UBN1: variants seen among roughly 807,000 people sequenced by gnomAD.
The protein encoded by UBN1 is ubinuclein-1.
UBN1 carries 17 observed loss-of-function variants against 108.5 expected under a neutral mutation model. That is an observed-to-expected ratio of 0.16 (90% CI 0.11 to 0.24). UBN1 has a LOEUF of 0.24. Ranked by LOEUF, UBN1 falls within the 10% of genes least tolerant of loss-of-function variation. The pLI, the probability that UBN1 is intolerant of heterozygous loss-of-function variation, is 1.00. For missense variants in UBN1, 1,595 were observed against 1,394.4 expected (o/e 1.14, Z -2.29); for synonymous variants, 726 against 564.2 (o/e 1.29, Z -4.07).
At chr16:4,876,810 T>C (rs1209690069) in intron 15 of UBN1, 61 bp from the exon 16 acceptor site, 1 of 1,524,624 alleles carries the variant, frequency 6.6e-7, no homozygotes, top group Non-Finnish European at 8.8e-7. Flanking sequence ...TTGCCAGGTT[T>C]GGTGTGAGTG....
rs2086287422 is a variant in UBN1 at position 4,848,044 on chromosome 16, CA to C, written c.-205del. The stretch of plus-strand genomic sequence containing the variant: ...TGGGCCGGCGCGCGGCGCGGCACAC[CA>C]GGCTCCCCTGGGCTCGGGGACCCGG... On this transcript the variant is annotated 5_prime_UTR_variant, in exon 1 of 18. Coordinates refer to ENST00000262376, the MANE Select transcript of UBN1 (RefSeq NM_001079514.3). 1 of 152,238 alleles carries C rather than the reference CA, an allele frequency of 6.6e-6. No individual in the cohort carries two copies. The highest frequency in any genetic ancestry group is 1.5e-5 in the Non-Finnish European group (1 of 68,142). 9.4% of individuals were successfully genotyped at this position (152,238 alleles called of 1,614,324 possible). A position where few individuals can be genotyped will look rare whatever the true frequency, so the allele number is the denominator to read the frequency against.
Position 4,865,338 on chromosome 16 carries a change from G to A in UBN1, c.1111-3495G>A, listed in dbSNP as rs1045248272. On this transcript the variant is annotated intron_variant, in intron 7 of 17. Coordinates refer to ENST00000262376, the MANE Select transcript of UBN1 (RefSeq NM_001079514.3). Reference sequence around the variant, plus strand: ...TATTTAAAATATTTTTAAAGATTGCGTAAAGATTACATAGAAAGCTTCTGA... The same window carrying A: ...TATTTAAAATATTTTTAAAGATTGCATAAAGATTACATAGAAAGCTTCTGA... Among the ~76,000 whole-genome samples the A allele has an allele frequency of 5.9e-5, 9 of 152,158 alleles. No individual in the cohort carries two copies. In the East Asian group the frequency reaches 7.7e-4, roughly 13 times the overall value.
At position 4,877,086 on chromosome 16, in the gene UBN1, G is replaced by A; in HGVS notation, c.3240G>A (p.Gly1080=). ...KDAIVTGPAP[G]SFHHGLGHSL... is the part of the protein sequence containing the mutation. ...CCATCGTCACAGGCCCTGCCCCCGG[G>A]TCCTTCCACCATGGCCTTGGCCACA... The change falls in exon 16 of 18, where the codon GGG becomes GGA. Residue 1080 remains glycine (G), a synonymous_variant. Transcript: ENST00000262376. This position sits in a 1 kb window ranked among gnomAD's most constrained non-coding sequence, Gnocchi z 4.3. The A allele has an allele frequency of 6.2e-7, 1 of 1,612,918 alleles. No individual in the cohort carries two copies. Among genetic ancestry groups the A allele is most frequent in the Non-Finnish European group, 8.5e-7 (1 of 1,179,446 alleles).
chr16:4,853,984 AT>A (rs1390371494), intron 2 of UBN1, among the ~76,000 whole-genome samples: 3 of 152,082 alleles, frequency 2.0e-5, no homozygotes, highest in Non-Finnish European at 4.4e-5. Flanking sequence ...CTCAATACTT[AT>A]GGGCAACCAC....
rs1415962449 is a variant in UBN1 at position 4,882,086 on chromosome 16, T to A, written c.*1954T>A. 2 of 152,334 alleles carry A rather than the reference T, an allele frequency of 1.3e-5. No homozygotes were observed. The highest frequency in any genetic ancestry group is 2.9e-5 in the Non-Finnish European group (2 of 68,014). The allele number at this position is 152,334 out of a possible 1,614,324, so 9.4% of individuals were successfully genotyped here. ...CTTTTCCTTGTTTATGCTTTATTTG[T>A]GGTAATGAAAGAGCGAATGACTGAA... On this transcript the variant is annotated 3_prime_UTR_variant, in exon 18 of 18. Transcript: ENST00000262376.
chr16:4,862,359 CT>C (rs1169125764), intron 7 of UBN1, among the ~76,000 whole-genome samples: 4 of 152,222 alleles, frequency 2.6e-5, no homozygotes, highest in Admixed American at 2.6e-4. Context: ...TCTTTGTCAG[CT>C]TGTGTCCAGC....
Position 4,874,206 on chromosome 16 carries a change from T to C in UBN1, c.1801-5T>C, listed in dbSNP as rs2087771410. 3.9e-6 allele frequency: 6 copies of C among 1,542,226 alleles called. No individual in the cohort carries two copies. Among genetic ancestry groups the C allele is most frequent in the Non-Finnish European group, 5.2e-6 (6 of 1,145,806 alleles). ...CTAAACATCAACATTTCTGTTTTCCTTTAGGAATCGTCTACGAAGCCTGAT... is the reference window on the plus strand; with the variant it reads ...CTAAACATCAACATTTCTGTTTTCCCTTAGGAATCGTCTACGAAGCCTGAT... On this transcript the variant is annotated splice_region_variant and splice_polypyrimidine_tract_variant and intron_variant, in intron 14 of 17. Transcript: ENST00000262376.
rs533400573 is a variant in UBN1 at position 4,880,250 on chromosome 16, A to C, written c.*118A>C. 4.1e-6 allele frequency: 5 copies of C among 1,230,224 alleles called. No individual in the cohort carries two copies. In the East Asian group the frequency reaches 7.1e-5, roughly 17 times the overall value. The allele number at this position is 1,230,224 out of a possible 1,614,324, so 76.2% of individuals were successfully genotyped here. On this transcript the variant is annotated 3_prime_UTR_variant, in exon 18 of 18. Transcript: ENST00000262376. ...CTTGGTGTTCTTCTGGAGGAGCGTG[A>C]GTTCTCAGCGGAGCGCTTCTCGGCA...
At chr16:4,853,224 C>G in intron 2 of UBN1, 58 bp downstream of exon 2, 1 of 1,577,332 alleles carries the variant, frequency 6.3e-7, no homozygotes, top group South Asian at 1.1e-5. Flanking sequence ...TCAGTGCATG[C>G]ATGTGGGGCT....
intron 7 of UBN1, among the ~76,000 whole-genome samples, chr16:4,865,577 G>A (rs144409471): frequency 5.7e-4 from 86 of 152,198 alleles, no homozygotes; most frequent in African/African-American, 1.7e-3. Flanking sequence ...AAGCTGAGGC[G>A]GGAGGATTAT....
intron 6 of UBN1, 102 bp from the exon 7 acceptor site, chr16:4,860,562 T>G (rs2142169387): frequency 1.6e-6 from 2 of 1,213,070 alleles, no homozygotes; most frequent in South Asian, 1.5e-5. Flanking sequence ...CTGTGACAGG[T>G]TCTCCTGGAG....
intron 7 of UBN1, among the ~76,000 whole-genome samples, chr16:4,863,214 C>G (rs2087155009): frequency 6.6e-6 from 1 of 151,996 alleles, no homozygotes; most frequent in Non-Finnish European, 1.5e-5. Context: ...TATTATAAAG[C>G]CCTCATGACT....
chr16:4,860,592 G>A (rs970492645), intron 6 of UBN1, 72 bp from the exon 7 acceptor site: 15 of 1,457,586 alleles, frequency 1.0e-5, no homozygotes, highest in South Asian at 2.7e-5. Context: ...CTGGGAGCAG[G>A]GGTGAAGGCC....
intron 12 of UBN1, among the ~76,000 whole-genome samples, chr16:4,871,532 C>T (rs1247369951): frequency 6.6e-6 from 1 of 150,620 alleles, no homozygotes; most frequent in East Asian, 1.9e-4. Context: ...ATTTTTTGTC[C>T]CACTTCAGTT....
chr16:4,850,355 G>A (rs762897385), intron 1 of UBN1, among the ~76,000 whole-genome samples: 5 of 152,184 alleles, frequency 3.3e-5, no homozygotes, highest in Non-Finnish European at 7.3e-5. Context: ...CTGAGATAAG[G>A]TTATGTGTTT....
intron 10 of UBN1, 87 bp downstream of exon 10, chr16:4,870,721 G>T (rs2087588281): frequency 1.3e-6 from 2 of 1,585,502 alleles, no homozygotes; most frequent in South Asian, 1.1e-5. Context: ...CGTTTCCCAA[G>T]GAGCCTCTTG....
intron 1 of UBN1, chr16:4,852,360 CTTTG>C (rs2086599697): frequency 6.5e-6 from 1 of 152,802 alleles, no homozygotes; most frequent in African/African-American, 2.4e-5. Flanking sequence ...GAGTGTGTAA[CTTTG>C]TTAGGAAGTG....
At chr16:4,857,497 C>T (rs565232629) in intron 2 of UBN1, among the ~76,000 whole-genome samples, 3 of 151,670 alleles carry the variant, frequency 2.0e-5, no homozygotes, top group East Asian at 1.9e-4. Context: ...TTGGTAGCAC[C>T]GAGAGAAGTG....
chr16:4,874,539 T>C lies in UBN1; in HGVS notation c.2129T>C (p.Leu710Ser), dbSNP rs745910249. The part of the protein sequence containing the change: ...KAPAEKVGGV[L>S]CTEEKRNFAK... ...CCTGCAGAAAAAGTTGGAGGCGTTTTATGTACAGAAGAAAAAAGGAACTTT... is the reference window on the plus strand; with the variant it reads ...CCTGCAGAAAAAGTTGGAGGCGTTTCATGTACAGAAGAAAAAAGGAACTTT... Residue 710 changes from leucine to serine, a missense_variant, in exon 15 of 18, where the codon TTA becomes TCA. Leu to Ser is a moderately radical substitution (Grantham distance 145, BLOSUM62 -2). Transcript: ENST00000262376. The C allele has an allele frequency of 6.2e-7, 1 of 1,614,218 alleles. No homozygotes were observed. Among genetic ancestry groups the C allele is most frequent in the Non-Finnish European group, 8.5e-7 (1 of 1,180,034 alleles).
Sources: allele counts gnomAD v4.1 joint callset (sites outside exome capture counted in the v4.1 genomes callset), GRCh38; gene constraint gnomAD v4.1.1; non-coding constraint Gnocchi (gnomAD v3.1); transcripts MANE v1.5; gene names NCBI Gene and HGNC (gene_info 2026-07-23, HGNC 2026-07-21).